The following KCNQ4 variants were observed in gnomAD, a reference collection of about 807,000 sequenced individuals.
The protein encoded by KCNQ4 is potassium voltage-gated channel subfamily KQT member 4.
A neutral mutation model predicts 72.6 loss-of-function variants in KCNQ4; 31 were observed. The observed-to-expected ratio is 0.43, with a 90% CI of 0.32 to 0.58. The LOEUF is 0.58. KCNQ4 is among the 20% of genes least tolerant of loss of function. The pLI is 0.08. For missense variants in KCNQ4, 869 were observed against 962.6 expected, an observed-to-expected ratio of 0.90 and a Z score of 1.29; for synonymous variants, 405 against 403.7, an observed-to-expected ratio of 1.00 and a Z score of -0.04.
At chr1:40,815,903 G>A (rs1446164244) in intron 1 of KCNQ4, among the ~76,000 whole-genome samples, 1 of 152,166 alleles carries the variant, frequency 6.6e-6, no homozygotes, top group Non-Finnish European at 1.5e-5. Flanking sequence ...ACCCCGAGCT[G>A]CTGTCCTTAA....
rs894691429 is a variant in KCNQ4 at position 40,794,537 on chromosome 1, C to T, written c.314+10130C>T. Among the ~76,000 whole-genome samples, 6 of 152,208 alleles carry T rather than the reference C, an allele frequency of 3.9e-5. No homozygotes were observed. The highest frequency in any genetic ancestry group is 8.8e-5 in the Non-Finnish European group (6 of 68,044). Reference sequence around the variant, plus strand: ...CCCATGTCGGCATCAGGGCCAAGCCCGAGCTCTAAATGGTTCTCAGCCTCG... The same window carrying T: ...CCCATGTCGGCATCAGGGCCAAGCCTGAGCTCTAAATGGTTCTCAGCCTCG... On this transcript the variant is annotated intron_variant, in intron 1 of 13. Transcript: ENST00000347132. The surrounding 1 kb of genome is among the most constrained non-coding windows in gnomAD (Gnocchi z 4.2).
At chr1:40,813,367 C>T (rs1010570469) in intron 1 of KCNQ4, among the ~76,000 whole-genome samples, 1 of 152,128 alleles carries the variant, frequency 6.6e-6, no homozygotes, top group Non-Finnish European at 1.5e-5. Flanking sequence ...ATGGTGGCGG[C>T]TTGGTTGGGA....
intron 1 of KCNQ4, among the ~76,000 whole-genome samples, chr1:40,798,252 A>G (rs534822674): frequency 5.3e-5 from 8 of 152,172 alleles, no homozygotes; most frequent in East Asian, 1.9e-4. Flanking sequence ...GTTGTCTCCA[A>G]TGATGATAAA....
chr1:40,786,459 C>T (rs1001988091), intron 1 of KCNQ4, among the ~76,000 whole-genome samples: 4 of 152,180 alleles, frequency 2.6e-5, no homozygotes, highest in African/African-American at 9.7e-5. Context: ...AGGAAATGCC[C>T]TCGCCAGGGC....
At chr1:40,800,344 G>A (rs1382833626) in intron 1 of KCNQ4, among the ~76,000 whole-genome samples, 1 of 152,188 alleles carries the variant, frequency 6.6e-6, no homozygotes, top group Non-Finnish European at 1.5e-5. Context: ...AGGCATCCAA[G>A]AACTAAAATT....
Position 40,801,803 on chromosome 1 carries a change from G to C in KCNQ4, c.315-15462G>C, listed in dbSNP as rs560072672. The stretch of plus-strand genomic sequence containing the variant: ...CCAGCCCCAGGGAGCACCTGTCTCT[G>C]TAAGAACAGCCTGGCCCTCGGGGCC... On this transcript the variant is annotated intron_variant, in intron 1 of 13. Transcript: ENST00000347132. 2.0e-5 allele frequency among the ~76,000 whole-genome samples: 3 copies of C among 152,334 alleles called. No individual in the cohort carries two copies. In the East Asian group the frequency reaches 5.8e-4, roughly 29 times the overall value.
chr1:40,819,185 G>C (rs1038915142), intron 4 of KCNQ4, among the ~76,000 whole-genome samples, 162 bp from the exon 5 acceptor site: 2 of 151,592 alleles, frequency 1.3e-5, no homozygotes, highest in African/African-American at 4.9e-5. Context: ...GCGGTTTCGC[G>C]AAGGCCGGGG....
At chr1:40,831,444 A>C (rs1331337239) in intron 10 of KCNQ4, 140 bp downstream of exon 10, 1 of 685,890 alleles carries the variant, frequency 1.5e-6, no homozygotes, top group Non-Finnish European at 2.5e-6. Context: ...TGGTCTTCTC[A>C]TCTGTAAAAT....
At position 40,784,012 on chromosome 1, in the gene KCNQ4, AGCCATGCGTCTCTGAGC is replaced by A. The variant is rs1647179125; in HGVS notation, c.-78_-62del. 1 of 145,278 alleles carries A rather than the reference AGCCATGCGTCTCTGAGC, an allele frequency of 6.9e-6. No homozygotes were observed. The highest frequency in any genetic ancestry group is 2.5e-5 in the African/African-American group (1 of 39,424). 9.0% of individuals were successfully genotyped at this position (145,278 alleles called of 1,614,324 possible). A position where few individuals can be genotyped will look rare whatever the true frequency, so the allele number is the denominator to read the frequency against. On this transcript the variant is annotated 5_prime_UTR_variant, in exon 1 of 14. It removes an upstream start codon present in the reference 5' UTR. Transcript: ENST00000347132. This position sits in a 1 kb window ranked among gnomAD's most constrained non-coding sequence, Gnocchi z 4.1. ...GGTCGCCCCTCTGGCCCCGGGTCCGAGCCATGCGTCTCTGAGCGCCCCGAGCGCGCCCCCGCCCCGGA... is the reference window on the plus strand; with the variant it reads ...GGTCGCCCCTCTGGCCCCGGGTCCGAGCCCCGAGCGCGCCCCCGCCCCGGA...
rs149463878 is a variant in KCNQ4 at position 40,790,079 on chromosome 1, G to A, written c.314+5672G>A. On this transcript the variant is annotated intron_variant, in intron 1 of 13. Coordinates refer to ENST00000347132, the MANE Select transcript of KCNQ4 (RefSeq NM_004700.4). ...GATGGGGGAATAGCAGGGACTTTTC[G>A]TTTCTCCAGAAGCTGTCCTGCGGGG... 2.7e-4 allele frequency among the ~76,000 whole-genome samples: 41 copies of A among 152,372 alleles called. 1 individual carries two copies. In the East Asian group the frequency reaches 7.7e-3, roughly 29 times the overall value.
chr1:40,796,591 G>A (rs1189805059), intron 1 of KCNQ4, among the ~76,000 whole-genome samples: 2 of 152,098 alleles, frequency 1.3e-5, no homozygotes, highest in Non-Finnish European at 2.9e-5. Flanking sequence ...CTTCTAATGG[G>A]GGGTGATATT....
intron 1 of KCNQ4, among the ~76,000 whole-genome samples, chr1:40,800,282 G>C (rs1377285969): frequency 6.6e-6 from 1 of 152,096 alleles, no homozygotes; most frequent in Non-Finnish European, 1.5e-5. Flanking sequence ...GGATCGGAGG[G>C]TAGCAAGGGG....
intron 1 of KCNQ4, among the ~76,000 whole-genome samples, chr1:40,804,410 A>T (rs115847743): frequency 1.3e-5 from 2 of 152,070 alleles, no homozygotes; most frequent in Non-Finnish European, 2.9e-5. Context: ...CCTCTCTGGG[A>T]CTCAGTTTCC....
rs1432528469 is a variant in KCNQ4 at position 40,840,304 on chromosome 1, T to G, written c.*1781T>G. The G allele has an allele frequency of 6.6e-6, 1 of 152,222 alleles. No individual in the cohort carries two copies. The highest frequency in any genetic ancestry group is 1.9e-4 in the East Asian group (1 of 5,192). The allele number at this position is 152,222 out of a possible 1,614,324, so 9.4% of individuals were successfully genotyped here. ...ACAGCTGTGGAGAGGGCCAGGAGAA[T>G]GGGATTACCCTATGACCAAGGAGAC... On this transcript the variant is annotated 3_prime_UTR_variant, in exon 14 of 14. Transcript: ENST00000347132.
At chr1:40,820,848 G>C (rs571052906) in intron 7 of KCNQ4, among the ~76,000 whole-genome samples, 1 of 152,294 alleles carries the variant, frequency 6.6e-6, no homozygotes, top group East Asian at 1.9e-4. Flanking sequence ...GACTGTGTGT[G>C]GGCTGAGGCC....
chr1:40,793,004 CTTTTTTTTTT>C (rs10549805), intron 1 of KCNQ4, among the ~76,000 whole-genome samples: 21 of 109,076 alleles, frequency 1.9e-4, no homozygotes, highest in East Asian at 1.2e-3. Flanking sequence ...TTCTTTCTTT[CTTTTTTTTTT>C]TTTTTTTTTT....
intron 9 of KCNQ4, among the ~76,000 whole-genome samples, chr1:40,824,884 G>T (rs535190892): frequency 2.0e-5 from 3 of 152,222 alleles, no homozygotes; most frequent in Admixed American, 6.5e-5. Context: ...TCCTCTTGGG[G>T]TTCTGTTTCC....
rs569398936 is a variant in KCNQ4 at position 40,834,832 on chromosome 1, A to G, written c.1614-135A>G. 4.2e-6 allele frequency: 5 copies of G among 1,184,818 alleles called. No homozygotes were observed. In the South Asian group the frequency reaches 6.2e-5, roughly 15 times the overall value. 73.4% of individuals were successfully genotyped at this position (1,184,818 alleles called of 1,614,324 possible). A position where few individuals can be genotyped will look rare whatever the true frequency, so the allele number is the denominator to read the frequency against. On this transcript the variant is annotated intron_variant, in intron 11 of 13. Coordinates refer to ENST00000347132, the MANE Select transcript of KCNQ4 (RefSeq NM_004700.4). The stretch of plus-strand genomic sequence containing the variant: ...GGAGGTAGGGGAGGCTGGGAGACGC[A>G]GCAGAGGCTGTTCATGGTGGCCAAG...
At chr1:40,791,838 G>C (rs1647290083) in intron 1 of KCNQ4, among the ~76,000 whole-genome samples, 1 of 152,198 alleles carries the variant, frequency 6.6e-6, no homozygotes, top group African/African-American at 2.4e-5. Context: ...TCAGACAGCA[G>C]GAAGGACTGC....
Sources: gnomAD v4.1 joint callset for allele counts (sites outside exome capture counted in the v4.1 genomes callset) on GRCh38, gnomAD v4.1.1 for gene constraint, Gnocchi (gnomAD v3.1) non-coding constraint, MANE v1.5 for transcripts, NCBI Gene and HGNC (gene_info 2026-07-23, HGNC 2026-07-21) for gene names.